Variants in ITGA1 observed in about 807,000 individuals in gnomAD.
ITGA1 encodes integrin alpha-1.
A neutral mutation model predicts 145.9 loss-of-function variants in ITGA1; 85 were observed. The ratio of observed to expected loss-of-function variants is 0.58; its 90% CI spans 0.49 to 0.70. The LOEUF is 0.70. Ranked by LOEUF, ITGA1 falls within the 30% of genes least tolerant of loss-of-function variation. The pLI is 0.00. For missense variants in ITGA1, 1,351 were observed against 1,418.7 expected, an observed-to-expected ratio of 0.95 and a Z score of 0.77; for synonymous variants, 520 against 495.3, an observed-to-expected ratio of 1.05 and a Z score of -0.66.
At chr5:52,900,289 G>C (rs993457721) in intron 11 of ITGA1, among the ~76,000 whole-genome samples, 4 of 152,124 alleles carry the variant, frequency 2.6e-5, no homozygotes, top group Non-Finnish European at 5.9e-5. Flanking sequence ...AATAAATATA[G>C]AACATTTATC....
chr5:52,811,219 A>C (rs1025898467), intron 1 of ITGA1, among the ~76,000 whole-genome samples: 4 of 152,176 alleles, frequency 2.6e-5, no homozygotes, highest in African/African-American at 9.7e-5. Flanking sequence ...TGGTGTAAGA[A>C]CTGGCCCATG....
In ITGA1 at chr5:52,939,603, G is replaced by A; in HGVS notation, c.3092G>A (p.Arg1031Lys). 1 of 1,609,736 alleles carries A rather than the reference G, an allele frequency of 6.2e-7. No homozygotes were observed. The highest frequency in any genetic ancestry group is 8.5e-7 in the Non-Finnish European group (1 of 1,176,368). ...GLSSSENANC[R>K]PHIFEDPFSI... ...TTTCATTTCTAGAATGCAAACTGCA[G>A]ACCCCATATCTTTGAGGATCCTTTC... The change falls in exon 25 of 29, where the codon AGA becomes AAA. Residue 1031 changes from arginine to lysine, a missense_variant. Coordinates refer to ENST00000282588, the MANE Select transcript of ITGA1 (RefSeq NM_181501.2).
At chr5:52,912,754 A>ATATT (rs1554046530) in intron 14 of ITGA1, among the ~76,000 whole-genome samples, 98 of 139,408 alleles carry the variant, frequency 7.0e-4, no homozygotes, top group African/African-American at 1.8e-3. Flanking sequence ...ATATATATAT[A>ATATT]TTTTTTTTTT....
At chr5:52,878,363 T>C (rs920056087) in intron 6 of ITGA1, among the ~76,000 whole-genome samples, 12 of 152,214 alleles carry the variant, frequency 7.9e-5, no homozygotes, top group Admixed American at 5.2e-4. Context: ...GGTGGATAGA[T>C]GGATGATAGA....
chr5:52,872,573 C>A (rs1314729386), intron 6 of ITGA1, among the ~76,000 whole-genome samples: 3 of 71,240 alleles, frequency 4.2e-5, no homozygotes, highest in South Asian at 4.4e-4. Context: ...CCGCCTCAGT[C>A]AATTTTTTTT....
intron 26 of ITGA1, 36 bp from the exon 27 acceptor site, chr5:52,944,907 A>G (rs1352698653): frequency 7.3e-7 from 1 of 1,374,662 alleles, no homozygotes; most frequent in East Asian, 2.3e-5. Context: ...TTTGATTAGC[A>G]TCATATATTA....
chr5:52,876,058 C>T (rs1749861040), intron 6 of ITGA1, among the ~76,000 whole-genome samples: 1 of 152,162 alleles, frequency 6.6e-6, no homozygotes, highest in Non-Finnish European at 1.5e-5. Context: ...ATCCTCCTTC[C>T]TCCTTGAGGA....
intron 2 of ITGA1, among the ~76,000 whole-genome samples, chr5:52,850,911 T>C (rs1749422628): frequency 6.6e-6 from 1 of 152,198 alleles, no homozygotes; most frequent in Non-Finnish European, 1.5e-5. Flanking sequence ...TCAATTCAGG[T>C]ACCTCTGGGA....
At chr5:52,865,451 AAT>A (rs1248236450) in intron 5 of ITGA1, among the ~76,000 whole-genome samples, 1 of 152,254 alleles carries the variant, frequency 6.6e-6, no homozygotes, top group Non-Finnish European at 1.5e-5. Flanking sequence ...ACTCTCATAC[AAT>A]ACTAATTAAA....
rs367885115 is a variant in ITGA1, at chr5:52,898,735, G to A, written c.1309+352G>A. Reference sequence around the variant, plus strand: ...AAATGAGAGTAGAAAAGGAAACCTCGACTTCTCCTATATCCTGAAAACCAA... The same window carrying A: ...AAATGAGAGTAGAAAAGGAAACCTCAACTTCTCCTATATCCTGAAAACCAA... On this transcript the variant is annotated intron_variant, in intron 11 of 28. Transcript: ENST00000282588. Among the ~76,000 whole-genome samples the A allele has an allele frequency of 2.6e-4, 40 of 152,180 alleles. 1 individual carries two copies. In the Middle Eastern group the frequency reaches 0.014, roughly 52 times the overall value.
rs1202292728 is a variant in ITGA1, at chr5:52,889,328, C to G, written c.924+1363C>G. On this transcript the variant is annotated intron_variant, in intron 8 of 28. Transcript: ENST00000282588. ...TGTTGGTCGGGCCGGTCTTGAACTA[C>G]TGACCTCAGGGGATCCACCTGCCTT... 2.6e-5 allele frequency among the ~76,000 whole-genome samples: 4 copies of G among 152,296 alleles called. 1 individual carries two copies. Among genetic ancestry groups the G allele is most frequent in the African/African-American group, 9.6e-5 (4 of 41,558 alleles).
chr5:52,839,331 A>T (rs1481088669), intron 1 of ITGA1, among the ~76,000 whole-genome samples: 2 of 152,180 alleles, frequency 1.3e-5, no homozygotes, highest in African/African-American at 4.8e-5. Flanking sequence ...TTTTGTTTTC[A>T]TTCATTTCTA....
intron 6 of ITGA1, among the ~76,000 whole-genome samples, chr5:52,881,046 G>A (rs1260529232): frequency 1.3e-5 from 2 of 152,156 alleles, no homozygotes; most frequent in East Asian, 3.8e-4. Context: ...AGCTGCCTGC[G>A]TTATCCAATC....
intron 1 of ITGA1, among the ~76,000 whole-genome samples, chr5:52,808,172 G>T (rs1453377309): frequency 6.6e-6 from 1 of 152,178 alleles, no homozygotes; most frequent in Non-Finnish European, 1.5e-5. Context: ...CTGAGGAAAA[G>T]ATTAAATTAC....
chr5:52,894,692 G>GGACAGTTGAGTGGA (rs1312287220), intron 9 of ITGA1, among the ~76,000 whole-genome samples: 11 of 152,094 alleles, frequency 7.2e-5, no homozygotes, highest in Admixed American at 2.0e-4. Context: ...AGTTGACCCT[G>GGACAGTTGAGTGGA]TCCTTGTGAG....
chr5:52,917,658 G>T (rs1750667585), intron 15 of ITGA1, among the ~76,000 whole-genome samples: 1 of 151,938 alleles, frequency 6.6e-6, no homozygotes, highest in Non-Finnish European at 1.5e-5. Flanking sequence ...TTAAAAATTT[G>T]TAGGCATACA....
At chr5:52,928,709 A>T (rs1407030771) in intron 20 of ITGA1, among the ~76,000 whole-genome samples, 1 of 152,218 alleles carries the variant, frequency 6.6e-6, no homozygotes, top group East Asian at 1.9e-4. Context: ...ATCAGGCAAC[A>T]CCTTATTCTG....
intron 1 of ITGA1, among the ~76,000 whole-genome samples, chr5:52,821,510 A>G (rs868121828): frequency 1.2e-4 from 18 of 152,202 alleles, no homozygotes; most frequent in South Asian, 1.0e-3. Flanking sequence ...ATAAGTCACT[A>G]TAATTCAGTT....
intron 1 of ITGA1, chr5:52,800,108 C>A (rs552637414): frequency 2.2e-4 from 84 of 387,182 alleles, no homozygotes; most frequent in African/African-American, 2.7e-4. Flanking sequence ...TTCGTCAGCC[C>A]GCTGTTGCGT....
Sources: allele counts gnomAD v4.1 joint callset (sites outside exome capture counted in the v4.1 genomes callset), GRCh38; gene constraint gnomAD v4.1.1; transcripts MANE v1.5; gene names NCBI Gene and HGNC (gene_info 2026-07-23, HGNC 2026-07-21).